LTN1: variants seen among roughly 807,000 people sequenced by gnomAD.
The protein encoded by LTN1 is listerin E3 ubiquitin protein ligase 1.
LTN1 carries 88 observed loss-of-function variants against 201.2 expected under a neutral mutation model. The observed-to-expected ratio is 0.44, with a 90% CI of 0.37 to 0.52. The LOEUF is 0.52. Among genes scored for constraint, LTN1 ranks in the 20% least tolerant of loss-of-function variants. The pLI is 0.00. For missense variants in LTN1, 1,752 were observed against 2,038.7 expected (o/e 0.86, Z 2.71); for synonymous variants, 645 against 713.5 (o/e 0.90, Z 1.53).
chr21:28,936,812 C>T, intron 25 of LTN1, 115 bp from the exon 26 acceptor site: 1 of 721,450 alleles, frequency 1.4e-6, no homozygotes, highest in South Asian at 2.0e-5. Flanking sequence ...GACATTCTAT[C>T]CCCTCATTAT....
rs1407253277 is a variant in LTN1, at chr21:28,966,512, T to A, written c.1979A>T (p.Gln660Leu). 6.2e-7 allele frequency: 1 copy of A among 1,614,138 alleles called. No homozygotes were observed. The highest frequency in any genetic ancestry group is 2.2e-5 in the East Asian group (1 of 44,874). Residue 660 changes from glutamine (Q) to leucine (L), a missense_variant, in exon 10 of 30, where the codon CAG (glutamine) becomes CTG (leucine). Physicochemically the swap from Gln to Leu is moderately radical, Grantham distance 113 (BLOSUM62 -2). Transcript: ENST00000361371. Reference protein sequence around the residue: ...AKLVQKNPAVQFLYQKLIGWL... With the variant: ...AKLVQKNPAVLFLYQKLIGWL... ...ACCTATCAGTTTCTGGTATAAAAACTGCACCGCAGGATTTTTTTGTACAAG... is the reference window on the plus strand; with the variant it reads ...ACCTATCAGTTTCTGGTATAAAAACAGCACCGCAGGATTTTTTTGTACAAG...
intron 25 of LTN1, among the ~76,000 whole-genome samples, chr21:28,939,375 G>A (rs1415106608): frequency 6.6e-6 from 1 of 152,082 alleles, no homozygotes; most frequent in South Asian, 2.1e-4. Flanking sequence ...TGCTAAGTGG[G>A]TAAATTTTAT....
intron 11 of LTN1, chr21:28,964,514 G>A (rs2084505180): frequency 1.4e-6 from 2 of 1,424,226 alleles, no homozygotes; most frequent in Non-Finnish European, 1.9e-6. Context: ...ACTTTTATAT[G>A]CACTGGCAAT....
At chr21:28,984,626 C>G in intron 4 of LTN1, 66 bp downstream of exon 4, 1 of 1,144,942 alleles carries the variant, frequency 8.7e-7, no homozygotes, top group Non-Finnish European at 1.3e-6. Flanking sequence ...AAAGAGCTGT[C>G]ATTATGCTTA....
intron 1 of LTN1, among the ~76,000 whole-genome samples, chr21:28,988,695 G>A (rs368039365): frequency 1.3e-4 from 20 of 151,842 alleles, no homozygotes; most frequent in African/African-American, 4.6e-4. Context: ...GGTCAGGCGC[G>A]GTGGTTCACG....
chr21:28,985,658 CTT>C (rs781372185), intron 3 of LTN1, among the ~76,000 whole-genome samples: 45 of 136,994 alleles, frequency 3.3e-4, no homozygotes, highest in Non-Finnish European at 3.0e-4. Flanking sequence ...ACAATCCAAT[CTT>C]TTTTTTTTTT....
intron 9 of LTN1, among the ~76,000 whole-genome samples, chr21:28,968,474 G>C (rs1172249963): frequency 2.6e-5 from 4 of 152,106 alleles, no homozygotes; most frequent in Non-Finnish European, 5.9e-5. Context: ...TCTCATCTCT[G>C]GTTCTAAAAG....
At chr21:28,951,272 C>T (rs1423375978) in intron 18 of LTN1, among the ~76,000 whole-genome samples, 1 of 152,214 alleles carries the variant, frequency 6.6e-6, no homozygotes, top group East Asian at 1.9e-4. Flanking sequence ...TTCTACTATG[C>T]CAGAACATGT....
chr21:28,966,517 C>G lies in LTN1; in HGVS notation c.1974G>C (p.Ala658=). The G allele has an allele frequency of 2.5e-6, 4 of 1,614,020 alleles. No homozygotes were observed. Among genetic ancestry groups the G allele is most frequent in the Non-Finnish European group, 3.4e-6 (4 of 1,180,006 alleles). Reference sequence around the variant, plus strand: ...TCAGTTTCTGGTATAAAAACTGCACCGCAGGATTTTTTTGTACAAGCTTGG... The same window carrying G: ...TCAGTTTCTGGTATAAAAACTGCACGGCAGGATTTTTTTGTACAAGCTTGG... ...EIAKLVQKNP[A]VQFLYQKLIG... is the part of the protein sequence containing the mutation. Residue 658 remains alanine (A), a synonymous_variant, in exon 10 of 30, where the codon GCG becomes GCC. Coordinates refer to ENST00000361371, the MANE Select transcript of LTN1 (RefSeq NM_015565.3).
At position 28,960,630 on chromosome 21, in the gene LTN1, T is replaced by C. The variant is rs761267455; in HGVS notation, c.2240A>G (p.Asn747Ser). Residue 747 changes from asparagine to serine, a missense_variant, in exon 12 of 30, where the codon AAC becomes AGC. Coordinates refer to ENST00000361371, the MANE Select transcript of LTN1 (RefSeq NM_015565.3). ...CTCATTACAAAGACAATCTGCCAAGTTGACCAATTTCTCACCAAGGATATC... is the reference window on the plus strand; with the variant it reads ...CTCATTACAAAGACAATCTGCCAAGCTGACCAATTTCTCACCAAGGATATC... ...KGDILGEKLV[N>S]LADCLCNEDL... 24 of 1,613,956 alleles carry C rather than the reference T, an allele frequency of 1.5e-5. No individual in the cohort carries two copies. Among genetic ancestry groups the C allele is most frequent in the Middle Eastern group, 3.3e-4 (2 of 6,084 alleles).
At chr21:28,971,553 A>C (rs937354847) in intron 6 of LTN1, 109 bp from the exon 7 acceptor site, 2 of 928,810 alleles carry the variant, frequency 2.2e-6, no homozygotes, top group South Asian at 3.6e-5. Context: ...TAAGAAAACT[A>C]AAATAGCTAG....
intron 24 of LTN1, 36 bp downstream of exon 24, chr21:28,943,226 G>C (rs747486991): frequency 3.8e-6 from 5 of 1,325,388 alleles, no homozygotes; most frequent in South Asian, 2.5e-5. Context: ...TGGATTATAA[G>C]AATTTAATAA....
intron 6 of LTN1, among the ~76,000 whole-genome samples, chr21:28,973,821 G>C (rs933881941): frequency 1.3e-5 from 2 of 152,178 alleles, no homozygotes; most frequent in Non-Finnish European, 2.9e-5. Context: ...GGTATTGGGT[G>C]TAAGGATAGA....
intron 11 of LTN1, among the ~76,000 whole-genome samples, chr21:28,963,525 T>C: frequency 6.6e-6 from 1 of 152,202 alleles, no homozygotes; most frequent in East Asian, 1.9e-4. Flanking sequence ...TAAGTAGAAA[T>C]ATTACTACTC....
chr21:28,946,056 G>A, intron 20 of LTN1, 96 bp downstream of exon 20: 1 of 1,430,740 alleles, frequency 7.0e-7, no homozygotes, highest in Non-Finnish European at 9.6e-7. Context: ...TGACTTAAAT[G>A]TCTACCATAA....
At chr21:28,958,685 T>C in intron 13 of LTN1, 146 bp from the exon 14 acceptor site, 1 of 564,168 alleles carries the variant, frequency 1.8e-6, no homozygotes, top group South Asian at 2.4e-5. Context: ...CAAAATTCAA[T>C]TGCCAAACAA....
chr21:28,972,360 C>T (rs1051237273), intron 6 of LTN1, among the ~76,000 whole-genome samples: 2 of 136,128 alleles, frequency 1.5e-5, no homozygotes, highest in Non-Finnish European at 3.2e-5. Flanking sequence ...AAGGATATCC[C>T]ACCCTCCCAC....
rs1217607636 is a variant in LTN1, at chr21:28,956,777, C to T, written c.3064G>A (p.Glu1022Lys). The change falls in exon 16 of 30, where the codon GAG (glutamate) becomes AAG (lysine). Residue 1022 changes from glutamate to lysine, a missense_variant. By Grantham distance (56) the Glu-to-Lys change is moderately conservative. Transcript: ENST00000361371. ...ATATACTTACTTATTTTCTCAAGCT[C>T]ATTATTTTCTAAGACTGTTTCCTTT... ...LRKETVLENN[E>K]LEKIIAELLY... 1 of 1,590,656 alleles carries T rather than the reference C, an allele frequency of 6.3e-7. No homozygotes were observed.
rs1457780206 is a variant in LTN1, at chr21:28,947,557, G to A, written c.3394C>T (p.Pro1132Ser). Residue 1132 changes from proline to serine, a missense_variant, in exon 19 of 30, where the codon CCA (proline) becomes TCA (serine). Physicochemically the swap from Pro to Ser is moderately conservative, Grantham distance 74 (BLOSUM62 -1). Around this residue, in one of 3 missense-constraint regions of LTN1, gnomAD observed 1,211 missense variants for 1,312.8 expected, o/e 0.92. Coordinates refer to ENST00000361371, the MANE Select transcript of LTN1 (RefSeq NM_015565.3). Reference sequence around the variant, plus strand: ...TTCTTTTCTTCTTTTGACAAAAATGGACATAGACTTTGAATGGTATGCAAA... The same window carrying A: ...TTCTTTTCTTCTTTTGACAAAAATGAACATAGACTTTGAATGGTATGCAAA... ...GNLHTIQSLC[P>S]FLSKEEKKEF... 3.7e-5 allele frequency: 59 copies of A among 1,592,762 alleles called. No individual in the cohort carries two copies. Among genetic ancestry groups the A allele is most frequent in the Non-Finnish European group, 4.9e-5 (58 of 1,173,080 alleles).
Sources: gnomAD v4.1 joint callset for allele counts (sites outside exome capture counted in the v4.1 genomes callset) on GRCh38, gnomAD v4.1.1 for gene constraint, gnomAD v4.1.1 regional missense constraint, MANE v1.5 for transcripts, NCBI Gene and HGNC (gene_info 2026-07-23, HGNC 2026-07-21) for gene names.